Variants in KATNIP observed in about 807,000 individuals in gnomAD.
KATNIP encodes the protein katanin-interacting protein.
KATNIP carries 126 observed loss-of-function variants against 174.0 expected under a neutral mutation model. That is an observed-to-expected ratio of 0.72 (90% CI 0.63 to 0.84). The LOEUF (loss-of-function observed/expected upper bound fraction) is 0.84, where lower values mean the gene tolerates loss of function less well. KATNIP is among the 40% of genes least tolerant of loss of function. The probability of loss-of-function intolerance (pLI) is 0.00; values close to 1 mark genes in which losing one functional copy is unlikely to be tolerated. For missense variants in KATNIP, 1,958 were observed against 2,109.7 expected (o/e 0.93, Z 1.41); for synonymous variants, 810 against 835.7 (o/e 0.97, Z 0.53).
chr16:27,651,753 C>T (rs184539366), intron 6 of KATNIP, among the ~76,000 whole-genome samples: 68 of 152,332 alleles, frequency 4.5e-4, no homozygotes, highest in Non-Finnish European at 9.0e-4. Flanking sequence ...TTGTCTCACT[C>T]TTGTCACCCA....
intron 14 of KATNIP, among the ~76,000 whole-genome samples, chr16:27,722,046 G>A (rs1265615004): frequency 1.3e-5 from 2 of 152,200 alleles, no homozygotes; most frequent in African/African-American, 4.8e-5. Flanking sequence ...GCCTGCATTT[G>A]GACTCCAGGC....
chr16:27,630,592 A>C (rs1008231402), intron 4 of KATNIP, among the ~76,000 whole-genome samples: 6 of 152,196 alleles, frequency 3.9e-5, no homozygotes, highest in African/African-American at 1.4e-4. Context: ...GCTAGTAAGG[A>C]GAATTCAGCT....
intron 6 of KATNIP, among the ~76,000 whole-genome samples, chr16:27,666,949 G>A (rs1216159255): frequency 3.3e-5 from 5 of 152,152 alleles, no homozygotes; most frequent in African/African-American, 4.8e-5. Flanking sequence ...TGTAGATTCC[G>A]TAAGTCTGTC....
chr16:27,734,436 T>C (rs990085257), intron 14 of KATNIP, among the ~76,000 whole-genome samples: 3 of 148,414 alleles, frequency 2.0e-5, no homozygotes, highest in Non-Finnish European at 4.5e-5. Flanking sequence ...CAGTGGTTCA[T>C]GCCTGTAATC....
chr16:27,735,434 T>G (rs1270669477), intron 14 of KATNIP, among the ~76,000 whole-genome samples: 1 of 152,194 alleles, frequency 6.6e-6, no homozygotes, highest in East Asian at 1.9e-4. Flanking sequence ...AAGGAAGGTG[T>G]TTCTGTCTCA....
At chr16:27,577,773 T>C (rs2090551883) in intron 2 of KATNIP, among the ~76,000 whole-genome samples, 1 of 152,102 alleles carries the variant, frequency 6.6e-6, no homozygotes, top group Non-Finnish European at 1.5e-5. Context: ...CCCTGGAGGC[T>C]GAGGCGGGAG....
intron 6 of KATNIP, among the ~76,000 whole-genome samples, chr16:27,668,957 G>T (rs1168572459): frequency 1.3e-5 from 2 of 152,164 alleles, no homozygotes; most frequent in African/African-American, 2.4e-5. Flanking sequence ...AGTGAGCCAA[G>T]GTGGTGTTAC....
chr16:27,721,832 G>A (rs1310945514), intron 14 of KATNIP, 137 bp downstream of exon 14: 1 of 939,710 alleles, frequency 1.1e-6, no homozygotes, highest in Non-Finnish European at 1.6e-6. Flanking sequence ...GCAAGAGCCT[G>A]CTGGTAGGTT....
At position 27,769,971 on chromosome 16, in the gene KATNIP, C is replaced by T; in HGVS notation, c.4086C>T (p.Leu1362=). The T allele has an allele frequency of 6.2e-7, 1 of 1,614,236 alleles. No individual in the cohort carries two copies. Among genetic ancestry groups the T allele is most frequent in the Non-Finnish European group, 8.5e-7 (1 of 1,180,036 alleles). The change falls in exon 21 of 28, where the codon CTC becomes CTT. Residue 1362 remains leucine, a synonymous_variant. Coordinates refer to ENST00000261588, the MANE Select transcript of KATNIP (RefSeq NM_015202.5). ...NCHFDFAQEI[L]FVDYLRAQLL... is the part of the protein sequence containing the mutation. ...ACTTTGATTTTGCTCAAGAAATCCT[C>T]TTCGTGGACTACCTACGGGCTCAGC... is the stretch of plus-strand genomic sequence containing the variant.
intron 15 of KATNIP, among the ~76,000 whole-genome samples, chr16:27,744,144 A>G (rs2081201493): frequency 6.6e-6 from 1 of 152,210 alleles, no homozygotes; most frequent in African/African-American, 2.4e-5. Context: ...CCTTCCGGAA[A>G]GGTACAGGCC....
intron 15 of KATNIP, among the ~76,000 whole-genome samples, chr16:27,746,873 T>C (rs1455615852): frequency 6.6e-6 from 1 of 152,046 alleles, no homozygotes; most frequent in Non-Finnish European, 1.5e-5. Context: ...AAGAGTCAGG[T>C]TGTCTTGATT....
chr16:27,702,930 G>A (rs1279524181), intron 11 of KATNIP, among the ~76,000 whole-genome samples: 1 of 152,178 alleles, frequency 6.6e-6, no homozygotes, highest in Non-Finnish European at 1.5e-5. Context: ...ACTTACGGAG[G>A]CCCAGGTGGG....
intron 19 of KATNIP, among the ~76,000 whole-genome samples, chr16:27,764,806 T>C (rs556095820): frequency 6.6e-6 from 1 of 152,316 alleles, no homozygotes; most frequent in Admixed American, 6.5e-5. Context: ...TAGAAGGTTC[T>C]CTAGTGGTCA....
intron 2 of KATNIP, among the ~76,000 whole-genome samples, chr16:27,580,454 A>G (rs1160299755): frequency 6.6e-6 from 1 of 152,198 alleles, no homozygotes; most frequent in African/African-American, 2.4e-5. Flanking sequence ...TTCCTCCTCT[A>G]TAAGCCCAGG....
chr16:27,638,180 A>G (rs984967782), intron 5 of KATNIP, among the ~76,000 whole-genome samples: 13 of 152,134 alleles, frequency 8.5e-5, no homozygotes, highest in African/African-American at 2.9e-4. Flanking sequence ...TCCTACCTCC[A>G]TCGGCTATGA....
chr16:27,655,795 C>G (rs1044087487), intron 6 of KATNIP, among the ~76,000 whole-genome samples: 5 of 152,110 alleles, frequency 3.3e-5, no homozygotes, highest in African/African-American at 9.7e-5. Flanking sequence ...GCTGGAAGCC[C>G]AGGCTCATGA....
chr16:27,576,502 G>A (rs2090500881), intron 2 of KATNIP, among the ~76,000 whole-genome samples: 1 of 152,052 alleles, frequency 6.6e-6, no homozygotes, highest in Non-Finnish European at 1.5e-5. Flanking sequence ...AAGGCTTGGC[G>A]AAGTGGCTCC....
chr16:27,617,669 A>G (rs1175006633), intron 2 of KATNIP, among the ~76,000 whole-genome samples: 1 of 152,148 alleles, frequency 6.6e-6, no homozygotes, highest in Admixed American at 6.5e-5. Flanking sequence ...TGGGTCATAG[A>G]TTTCTGTAAT....
At chr16:27,706,274 C>T (rs2079299616) in intron 12 of KATNIP, among the ~76,000 whole-genome samples, 1 of 152,156 alleles carries the variant, frequency 6.6e-6, no homozygotes, top group African/African-American at 2.4e-5. Flanking sequence ...GCCTGTTTCT[C>T]CCCATGTAAA....
Sources: gnomAD v4.1 joint callset for allele counts (sites outside exome capture counted in the v4.1 genomes callset) on GRCh38, gnomAD v4.1.1 for gene constraint, MANE v1.5 for transcripts, NCBI Gene and HGNC (gene_info 2026-07-23, HGNC 2026-07-21) for gene names.